The following GRIP1 variants were observed in gnomAD, a reference collection of about 807,000 sequenced individuals.
The protein encoded by GRIP1 is glutamate receptor interacting protein 1, also known as glutamate receptor-interacting protein 1.
Under a neutral mutation model 129.9 loss-of-function variants are expected in GRIP1, and 45 were observed. The observed-to-expected ratio is 0.35, with a 90% CI of 0.27 to 0.44. The LOEUF is 0.44. Ranked by LOEUF, GRIP1 falls within the 20% of genes least tolerant of loss-of-function variation. The pLI is 1.00. For synonymous variants in GRIP1, 530 were observed against 520.8 expected (o/e 1.02, Z -0.24); for missense variants, 1,196 against 1,396.8 (o/e 0.86, Z 2.29).
intron 1 of GRIP1, among the ~76,000 whole-genome samples, chr12:66,607,024 A>AGT (rs528697993): frequency 0.019 from 2,808 of 150,790 alleles, 69 homozygotes; most frequent in African/African-American, 0.057. Flanking sequence ...AAAGAGAGAG[A>AGT]GTGTGTGTGT....
In GRIP1 at chr12:66,368,269, G is replaced by A. The variant is rs1004786402; in HGVS notation, c.3012+3425C>T. Among the ~76,000 whole-genome samples the A allele has an allele frequency of 3.3e-5, 5 of 152,142 alleles. No individual in the cohort carries two copies. The East Asian group carries it at 9.6e-4, about 29-fold the overall frequency. The stretch of plus-strand genomic sequence containing the variant: ...TTTAGCTATTTTTCCTCCCAGCAAT[G>A]GCACAGATCCTTGTCCATTCGTTCA... On this transcript the variant is annotated intron_variant, in intron 23 of 24. Transcript: ENST00000359742.
chr12:66,810,145 G>T (rs1031853891), intron 1 of GRIP1, among the ~76,000 whole-genome samples: 1 of 152,072 alleles, frequency 6.6e-6, no homozygotes, highest in Non-Finnish European at 1.5e-5. Context: ...AGGTAGACAG[G>T]TAGATATCAG....
chr12:66,684,548 A>C (rs1175800621), intron 1 of GRIP1, among the ~76,000 whole-genome samples: 1 of 152,138 alleles, frequency 6.6e-6, no homozygotes, highest in Non-Finnish European at 1.5e-5. Flanking sequence ...CCCTCATTTA[A>C]AACTCCCTTC....
intron 2 of GRIP1, among the ~76,000 whole-genome samples, chr12:66,564,862 C>T (rs186472479): frequency 3.2e-4 from 49 of 152,308 alleles, no homozygotes; most frequent in Middle Eastern, 6.8e-3. Context: ...TTGATTTGCA[C>T]TTCTCTGATG....
chr12:66,715,271 T>C (rs925666577), intron 1 of GRIP1, among the ~76,000 whole-genome samples: 2 of 152,058 alleles, frequency 1.3e-5, no homozygotes, highest in African/African-American at 4.8e-5. Context: ...GTACTTGCTA[T>C]ACTACTTGTG....
At chr12:66,769,788 T>A (rs2037760987) in intron 1 of GRIP1, among the ~76,000 whole-genome samples, 1 of 152,186 alleles carries the variant, frequency 6.6e-6, no homozygotes, top group South Asian at 2.1e-4. Flanking sequence ...CTTCTACCTC[T>A]ACACCTCTTG....
At chr12:66,357,752 G>A (rs1274385192) in intron 23 of GRIP1, among the ~76,000 whole-genome samples, 2 of 152,202 alleles carry the variant, frequency 1.3e-5, no homozygotes, top group Non-Finnish European at 2.9e-5. Flanking sequence ...CAGAATGAAT[G>A]AATGCTAATT....
chr12:66,524,433 G>A (rs57292411), intron 5 of GRIP1, among the ~76,000 whole-genome samples: 40,881 of 151,646 alleles, frequency 0.27, 5,633 homozygotes, highest in Middle Eastern at 0.33. Context: ...TGACTACTGG[G>A]TACATAACGA....
intron 1 of GRIP1, among the ~76,000 whole-genome samples, chr12:66,738,022 T>C (rs2036662659): frequency 6.7e-6 from 1 of 150,368 alleles, no homozygotes; most frequent in African/African-American, 2.4e-5. Flanking sequence ...CAGAAGGGGG[T>C]TGAGGGGAAT....
intron 1 of GRIP1, among the ~76,000 whole-genome samples, chr12:66,923,237 T>C (rs1250674905): frequency 1.3e-5 from 2 of 152,144 alleles, no homozygotes; most frequent in Admixed American, 1.3e-4. Context: ...TCCCAGCATT[T>C]GAGGAAGCCA....
intron 9 of GRIP1, among the ~76,000 whole-genome samples, chr12:66,459,200 C>T (rs1048952632): frequency 5.9e-5 from 9 of 152,102 alleles, no homozygotes; most frequent in Admixed American, 6.6e-5. Context: ...CATGAATGAA[C>T]GGGAATATCA....
At chr12:66,363,242 CTCT>C (rs887792875) in intron 23 of GRIP1, among the ~76,000 whole-genome samples, 1 of 97,158 alleles carries the variant, frequency 1.0e-5, no homozygotes, top group Non-Finnish European at 2.1e-5. Context: ...GTTTCTGTAT[CTCT>C]TTTTTTTTTC....
chr12:66,565,769 T>C (rs1256549114), intron 2 of GRIP1, among the ~76,000 whole-genome samples: 5 of 152,164 alleles, frequency 3.3e-5, no homozygotes, highest in African/African-American at 7.2e-5. Context: ...ATGGAATGTT[T>C]TTCCATTTGT....
upstream of GRIP1, among the ~76,000 whole-genome samples, chr12:66,681,496 T>C (rs1013257829): frequency 4.6e-5 from 7 of 152,280 alleles, no homozygotes; most frequent in South Asian, 1.2e-3. Context: ...GACCACAGGC[T>C]CCTAACATGA....
intron 2 of GRIP1, among the ~76,000 whole-genome samples, chr12:66,561,017 G>A (rs1027488802): frequency 2.0e-5 from 3 of 152,054 alleles, no homozygotes; most frequent in Non-Finnish European, 4.4e-5. Flanking sequence ...AAAAGAATGA[G>A]ATCCTGTCAT....
At chr12:67,034,807 T>C (rs1592496116) in intron 1 of GRIP1, among the ~76,000 whole-genome samples, 3 of 152,326 alleles carry the variant, frequency 2.0e-5, no homozygotes, top group African/African-American at 7.2e-5. Flanking sequence ...CATTATGACC[T>C]TGTGGGACCA....
chr12:66,988,378 TTTTC>T (rs1262831475), intron 1 of GRIP1, among the ~76,000 whole-genome samples: 1 of 152,076 alleles, frequency 6.6e-6, no homozygotes, highest in Non-Finnish European at 1.5e-5. Flanking sequence ...AGAAATTCTT[TTTTC>T]TTTTTCTTTT....
intron 13 of GRIP1, among the ~76,000 whole-genome samples, chr12:66,440,855 T>C (rs937855190): frequency 2.0e-5 from 3 of 152,184 alleles, no homozygotes; most frequent in African/African-American, 2.4e-5. Context: ...TGGGGCAAAA[T>C]TGACCCCAGT....
chr12:67,054,948 T>G (rs1340151442), intron 1 of GRIP1, among the ~76,000 whole-genome samples: 1 of 152,140 alleles, frequency 6.6e-6, no homozygotes, highest in Non-Finnish European at 1.5e-5. Context: ...TCTCAAATGT[T>G]GCCTACTAGT....
Sources: allele counts gnomAD v4.1 joint callset (sites outside exome capture counted in the v4.1 genomes callset), GRCh38; gene constraint gnomAD v4.1.1; transcripts MANE v1.5; gene names NCBI Gene and HGNC (gene_info 2026-07-23, HGNC 2026-07-21).